The following XKR4 variants were observed in gnomAD, a reference collection of about 807,000 sequenced individuals.
XKR4 encodes XK related 4, also known as XK-related protein 4.
In XKR4, 12 loss-of-function variants were observed where a neutral mutation model predicts 53.9. That is an observed-to-expected ratio of 0.22 (90% CI 0.14 to 0.36). XKR4 has a LOEUF of 0.36. Among genes scored for constraint, XKR4 ranks in the 10% least tolerant of loss-of-function variants. XKR4 has a pLI of 1.00. For synonymous variants in XKR4, 354 were observed against 362.4 expected (o/e 0.98, Z 0.26); for missense variants, 799 against 859.5 (o/e 0.93, Z 0.88).
At chr8:55,497,836 C>T (rs779937612) in intron 2 of XKR4, among the ~76,000 whole-genome samples, 8 of 152,318 alleles carry the variant, frequency 5.3e-5, no homozygotes, top group African/African-American at 1.9e-4. Context: ...CACCTCTCTT[C>T]TCAAGAGCCC....
intron 1 of XKR4, among the ~76,000 whole-genome samples, chr8:55,160,939 G>T (rs1306427968): frequency 6.6e-6 from 1 of 152,200 alleles, no homozygotes; most frequent in Non-Finnish European, 1.5e-5. Context: ...GTGTATTTCG[G>T]TGGGTGGAGT....
chr8:55,207,587 T>C (rs181312389), intron 1 of XKR4, among the ~76,000 whole-genome samples: 1 of 152,188 alleles, frequency 6.6e-6, no homozygotes, highest in Admixed American at 6.5e-5. Context: ...CTGTCCATTC[T>C]CTTGCAAAAT....
rs10112092 is a variant in XKR4, at chr8:55,292,243, T to G, written c.807-65435T>G. 2.3e-3 allele frequency among the ~76,000 whole-genome samples: 356 copies of G among 152,282 alleles called. 1 individual carries two copies. The highest frequency in any genetic ancestry group is 3.5e-3 in the Non-Finnish European group (239 of 68,016). On this transcript the variant is annotated intron_variant, in intron 1 of 2. Coordinates refer to ENST00000327381, the MANE Select transcript of XKR4 (RefSeq NM_052898.2). The stretch of plus-strand genomic sequence containing the variant: ...ATATTTTGGAAGAGTGTATAGAGTT[T>G]ATGTTAATTATTCAAACCAAGCCAA...
chr8:55,303,774 T>A (rs1305526862), intron 1 of XKR4, among the ~76,000 whole-genome samples: 6 of 152,254 alleles, frequency 3.9e-5, no homozygotes, highest in Non-Finnish European at 8.8e-5. Flanking sequence ...GATTTTCTAG[T>A]TTATTTGCGT....
At chr8:55,435,933 C>T (rs1805171554) in intron 2 of XKR4, among the ~76,000 whole-genome samples, 1 of 152,124 alleles carries the variant, frequency 6.6e-6, no homozygotes, top group Non-Finnish European at 1.5e-5. Flanking sequence ...TGCTAGTGTT[C>T]CATCTGAAGA....
chr8:55,437,706 T>C (rs1456820361), intron 2 of XKR4, among the ~76,000 whole-genome samples: 1 of 152,214 alleles, frequency 6.6e-6, no homozygotes, highest in Non-Finnish European at 1.5e-5. Context: ...CTGGTATAGA[T>C]ATGGGCTCTG....
At chr8:55,375,534 C>T (rs1392486087) in intron 2 of XKR4, among the ~76,000 whole-genome samples, 1 of 152,174 alleles carries the variant, frequency 6.6e-6, no homozygotes, top group Non-Finnish European at 1.5e-5. Flanking sequence ...CTGACTGCAC[C>T]TGCTGGCTCC....
intron 2 of XKR4, among the ~76,000 whole-genome samples, chr8:55,515,406 T>G (rs1340767011): frequency 6.6e-6 from 1 of 152,208 alleles, no homozygotes; most frequent in African/African-American, 2.4e-5. Context: ...GTCGTGTTTT[T>G]TTTTCAATTA....
chr8:55,216,261 G>T (rs1039275652), intron 1 of XKR4, among the ~76,000 whole-genome samples: 1 of 152,186 alleles, frequency 6.6e-6, no homozygotes, highest in East Asian at 1.9e-4. Context: ...TATATGGAAG[G>T]GAAATGGGGG....
chr8:55,169,525 G>A (rs1817120454), intron 1 of XKR4, among the ~76,000 whole-genome samples: 1 of 152,182 alleles, frequency 6.6e-6, no homozygotes, highest in African/African-American at 2.4e-5. Flanking sequence ...TGCCAGGTGG[G>A]CAAGGACCCA....
chr8:55,208,617 C>A (rs1007306958), intron 1 of XKR4, among the ~76,000 whole-genome samples: 1 of 152,092 alleles, frequency 6.6e-6, no homozygotes, highest in African/African-American at 2.4e-5. Context: ...CAGGCGCCCA[C>A]CACCACACCC....
intron 1 of XKR4, chr8:55,161,342 T>G (rs1437468230): frequency 2.9e-6 from 1 of 349,082 alleles, no homozygotes; most frequent in Non-Finnish European, 5.7e-6. Context: ...CTTATTCAAA[T>G]GTGTTCATAG....
chr8:55,520,853 G>T (rs745459797), intron 2 of XKR4: 1 of 152,302 alleles, frequency 6.6e-6, no homozygotes, highest in Non-Finnish European at 1.5e-5. Context: ...TAATTTGAAG[G>T]AGGCTAATGT....
intron 1 of XKR4, among the ~76,000 whole-genome samples, chr8:55,322,577 A>G (rs1803231237): frequency 6.6e-6 from 1 of 152,222 alleles, no homozygotes; most frequent in African/African-American, 2.4e-5. Flanking sequence ...GAATTTTAAC[A>G]ATTTATACTC....
chr8:55,408,011 A>G (rs1389485893), intron 2 of XKR4, among the ~76,000 whole-genome samples: 1 of 152,178 alleles, frequency 6.6e-6, no homozygotes, highest in Non-Finnish European at 1.5e-5. Context: ...TTTCAAAGGT[A>G]TGCCCACCAC....
At chr8:55,161,285 T>G (rs1816980327) in intron 1 of XKR4, among the ~76,000 whole-genome samples, 1 of 152,178 alleles carries the variant, frequency 6.6e-6, no homozygotes, top group Non-Finnish European at 1.5e-5. Context: ...CACAGTTATT[T>G]CACTCGCAGA....
chr8:55,213,344 T>C (rs916041581), intron 1 of XKR4, among the ~76,000 whole-genome samples: 2 of 152,194 alleles, frequency 1.3e-5, no homozygotes, highest in Non-Finnish European at 2.9e-5. Flanking sequence ...CCTCTTGCAC[T>C]AAGTCAGTTC....
chr8:55,130,931 G>T (rs368869272), intron 1 of XKR4, among the ~76,000 whole-genome samples: 5 of 152,110 alleles, frequency 3.3e-5, no homozygotes, highest in African/African-American at 1.2e-4. Context: ...AGGCCAAGGT[G>T]GGCGGATCAC....
chr8:55,454,326 G>A, intron 2 of XKR4: 3 of 1,498,404 alleles, frequency 2.0e-6, no homozygotes, highest in Non-Finnish European at 2.8e-6. Context: ...AAGGGCGTGG[G>A]TGTGCTGAGG....
Sources: allele counts gnomAD v4.1 joint callset (sites outside exome capture counted in the v4.1 genomes callset), GRCh38; gene constraint gnomAD v4.1.1; transcripts MANE v1.5; gene names NCBI Gene and HGNC (gene_info 2026-07-23, HGNC 2026-07-21).